DYNC1I1: variants seen among roughly 807,000 people sequenced by gnomAD.
DYNC1I1 encodes the protein cytoplasmic dynein 1 intermediate chain 1.
A neutral mutation model predicts 86.6 loss-of-function variants in DYNC1I1; 43 were observed. The observed-to-expected ratio is 0.50, with a 90% CI of 0.39 to 0.64. The LOEUF is 0.64. Among genes scored for constraint, DYNC1I1 ranks in the 30% least tolerant of loss-of-function variants. The pLI is 0.00. For synonymous variants in DYNC1I1, 262 were observed against 283.7 expected (o/e 0.92, Z 0.77); for missense variants, 604 against 788.8 (o/e 0.77, Z 2.81).
At chr7:95,981,937 A>G (rs1185649550) in intron 7 of DYNC1I1, among the ~76,000 whole-genome samples, 1 of 152,122 alleles carries the variant, frequency 6.6e-6, no homozygotes, top group Non-Finnish European at 1.5e-5. Context: ...TTGGAGTAAA[A>G]CAATTCTGAT....
At chr7:96,070,247 G>A (rs888303168) in intron 14 of DYNC1I1, among the ~76,000 whole-genome samples, 1 of 152,178 alleles carries the variant, frequency 6.6e-6, no homozygotes, top group Non-Finnish European at 1.5e-5. Flanking sequence ...TGGTTTTTTG[G>A]TTTGGTTTGG....
chr7:96,039,161 G>C (rs1026960240), intron 13 of DYNC1I1, 116 bp from the exon 14 acceptor site: 2 of 1,144,428 alleles, frequency 1.7e-6, no homozygotes, highest in African/African-American at 3.1e-5. Flanking sequence ...GGTGGTGTGT[G>C]GTTGTTCTAA....
intron 11 of DYNC1I1, among the ~76,000 whole-genome samples, chr7:96,031,632 A>G (rs1311096078): frequency 6.6e-6 from 1 of 152,198 alleles, no homozygotes; most frequent in African/African-American, 2.4e-5. Flanking sequence ...TATGATAATA[A>G]TAGTTTGGGA....
At chr7:96,086,143 A>G (rs1790672796) in intron 16 of DYNC1I1, among the ~76,000 whole-genome samples, 1 of 152,156 alleles carries the variant, frequency 6.6e-6, no homozygotes, top group Non-Finnish European at 1.5e-5. Flanking sequence ...TGTTTTATAG[A>G]AAGCCCACCG....
At chr7:95,839,699 T>A (rs1461983452) in intron 5 of DYNC1I1, among the ~76,000 whole-genome samples, 1 of 152,224 alleles carries the variant, frequency 6.6e-6, no homozygotes, top group Non-Finnish European at 1.5e-5. Flanking sequence ...CTGTTTAGAA[T>A]CCTTTCATTT....
chr7:95,898,068 A>G (rs889475211), intron 6 of DYNC1I1, among the ~76,000 whole-genome samples: 2 of 152,202 alleles, frequency 1.3e-5, no homozygotes, highest in African/African-American at 4.8e-5. Context: ...TTGATTGGAC[A>G]TTGCCTTCAG....
intron 5 of DYNC1I1, among the ~76,000 whole-genome samples, chr7:95,833,396 G>C (rs1401244642): frequency 6.7e-6 from 1 of 150,132 alleles, no homozygotes; most frequent in African/African-American, 2.4e-5. Flanking sequence ...TTTGAAGTCA[G>C]GTAGTGTGAT....
intron 5 of DYNC1I1, among the ~76,000 whole-genome samples, chr7:95,842,289 G>C (rs921984838): frequency 6.6e-6 from 1 of 152,120 alleles, no homozygotes; most frequent in Non-Finnish European, 1.5e-5. Context: ...GAAGGGGCTT[G>C]ATTAATTTTT....
chr7:95,894,089 T>C (rs1027386198), intron 6 of DYNC1I1, among the ~76,000 whole-genome samples: 55 of 152,200 alleles, frequency 3.6e-4, no homozygotes, highest in African/African-American at 1.3e-3. Flanking sequence ...CAAGTGATAT[T>C]GTAAATACCT....
chr7:95,850,127 A>G lies in DYNC1I1; in HGVS notation c.375-19756A>G, dbSNP rs568795934. On this transcript the variant is annotated intron_variant, in intron 5 of 16. Transcript: ENST00000447467. The stretch of plus-strand genomic sequence containing the variant: ...TTTAGTGAAGTCTTTAGGGTTTTCT[A>G]TATAAAAGATTATGTTGTCTGCAAA... 7.7e-4 allele frequency among the ~76,000 whole-genome samples: 118 copies of G among 152,282 alleles called. 1 individual carries two copies. The highest frequency in any genetic ancestry group is 1.2e-3 in the Non-Finnish European group (83 of 68,018).
chr7:95,817,493 A>G (rs1794973607), intron 4 of DYNC1I1, among the ~76,000 whole-genome samples: 1 of 152,218 alleles, frequency 6.6e-6, no homozygotes, highest in East Asian at 1.9e-4. Context: ...TAAAGTACTC[A>G]GAAAGGAGTC....
At chr7:95,852,381 A>C (rs1198793837) in intron 5 of DYNC1I1, among the ~76,000 whole-genome samples, 3 of 151,806 alleles carry the variant, frequency 2.0e-5, no homozygotes, top group South Asian at 2.1e-4. Flanking sequence ...GATTTTATTT[A>C]AGTCTTCTCT....
At chr7:96,027,216 A>T (rs565375154) in intron 10 of DYNC1I1, among the ~76,000 whole-genome samples, 3 of 152,194 alleles carry the variant, frequency 2.0e-5, no homozygotes, top group Non-Finnish European at 4.4e-5. Context: ...CATTCCTGGT[A>T]CAGTGCCTTC....
At position 96,097,701 on chromosome 7, in the gene DYNC1I1, A is replaced by T; in HGVS notation, c.*108A>T. The T allele has an allele frequency of 6.7e-7, 1 of 1,491,574 alleles. No individual in the cohort carries two copies. Among genetic ancestry groups the T allele is most frequent in the Non-Finnish European group, 9.0e-7 (1 of 1,113,198 alleles). The allele number at this position is 1,491,574 out of a possible 1,614,324, so 92.4% of individuals were successfully genotyped here. ...TCCATTCAGTATCAGTATTGCTGTG[A>T]TATTTTGGGTGCCATATTGTGCCAG... On this transcript the variant is annotated 3_prime_UTR_variant, in exon 17 of 17. Coordinates refer to ENST00000447467, the MANE Select transcript of DYNC1I1 (RefSeq NM_001135556.2).
chr7:96,026,632 C>A (rs1289163643), intron 10 of DYNC1I1, among the ~76,000 whole-genome samples: 1 of 152,112 alleles, frequency 6.6e-6, no homozygotes, highest in Non-Finnish European at 1.5e-5. Context: ...CAATCCCCTT[C>A]CCAACCAAAA....
intron 9 of DYNC1I1, among the ~76,000 whole-genome samples, chr7:95,995,718 C>T (rs778468127): frequency 3.9e-5 from 6 of 151,968 alleles, no homozygotes; most frequent in Non-Finnish European, 7.4e-5. Context: ...AGAGGTAAAG[C>T]GATGTTTGTA....
At chr7:96,069,651 A>G (rs1182448723) in intron 14 of DYNC1I1, among the ~76,000 whole-genome samples, 1 of 152,228 alleles carries the variant, frequency 6.6e-6, no homozygotes, top group Non-Finnish European at 1.5e-5. Context: ...TTATGAATTA[A>G]GCAAAGCTTG....
chr7:95,846,516 A>G (rs1238938808), intron 5 of DYNC1I1, among the ~76,000 whole-genome samples: 1 of 152,224 alleles, frequency 6.6e-6, no homozygotes, highest in African/African-American at 2.4e-5. Flanking sequence ...TGAACATAGA[A>G]GAATGGAAGC....
intron 3 of DYNC1I1, among the ~76,000 whole-genome samples, chr7:95,812,065 A>T (rs953818742): frequency 6.6e-6 from 1 of 152,224 alleles, no homozygotes; most frequent in Middle Eastern, 3.4e-3. Context: ...CATCTCTTCG[A>T]CTTACCCTCT....
Sources: gnomAD v4.1 joint callset for allele counts (sites outside exome capture counted in the v4.1 genomes callset) on GRCh38, gnomAD v4.1.1 for gene constraint, MANE v1.5 for transcripts, NCBI Gene and HGNC (gene_info 2026-07-23, HGNC 2026-07-21) for gene names.